ICA1: variants seen among roughly 807,000 people sequenced by gnomAD.
ICA1 encodes the protein 69 kDa islet cell autoantigen.
In ICA1, 40 loss-of-function variants were observed where a neutral mutation model predicts 71.0. That is an observed-to-expected ratio of 0.56 (90% CI 0.44 to 0.73). The LOEUF is 0.73. ICA1 is among the 30% of genes least tolerant of loss of function. The pLI is 0.00. For synonymous variants in ICA1, 207 were observed against 209.5 expected (o/e 0.99, Z 0.10); for missense variants, 578 against 576.5 (o/e 1.00, Z -0.03).
At chr7:8,189,711 G>T (rs1211201813) in intron 6 of ICA1, among the ~76,000 whole-genome samples, 1 of 152,064 alleles carries the variant, frequency 6.6e-6, no homozygotes, top group Non-Finnish European at 1.5e-5. Flanking sequence ...GGGGCAGGTG[G>T]GCAGCTGGCT....
intron 10 of ICA1, 121 bp from the exon 11 acceptor site, chr7:8,139,168 A>C: frequency 1.4e-6 from 1 of 732,604 alleles, no homozygotes; most frequent in Non-Finnish European, 2.3e-6. Context: ...AAACTCAGCC[A>C]GAAGCAAGGG....
At chr7:8,242,494 C>T (rs1159795351) in intron 1 of ICA1, among the ~76,000 whole-genome samples, 2 of 152,072 alleles carry the variant, frequency 1.3e-5, no homozygotes, top group East Asian at 3.8e-4. Flanking sequence ...CCTAACATCA[C>T]AATTAAAAGA....
intron 1 of ICA1, among the ~76,000 whole-genome samples, chr7:8,238,658 T>A (rs1263342225): frequency 6.6e-6 from 1 of 152,218 alleles, no homozygotes; most frequent in Non-Finnish European, 1.5e-5. Context: ...TTTTGCTTAT[T>A]AAAATGCCTT....
intron 6 of ICA1, among the ~76,000 whole-genome samples, chr7:8,187,990 C>G (rs1456304281): frequency 1.3e-5 from 2 of 152,126 alleles, no homozygotes; most frequent in Admixed American, 1.3e-4. Flanking sequence ...TATACTGCTA[C>G]GAAGTGGGGA....
rs1787948485 is a variant in ICA1, at chr7:8,123,782, T to C, written c.1330+4091A>G. Among the ~76,000 whole-genome samples the C allele has an allele frequency of 3.3e-5, 5 of 152,202 alleles. No individual in the cohort carries two copies. The South Asian group carries it at 1.0e-3, about 32-fold the overall frequency. ...CTAAGAGAGGTCTGAAGAGCCCCAC[T>C]GGGAAATCCCTTTTGCTCTCAGAGA... On this transcript the variant is annotated intron_variant, in intron 13 of 13. Coordinates refer to ENST00000402384, the MANE Select transcript of ICA1 (RefSeq NM_001136020.3). The surrounding 1 kb of genome is among the most constrained non-coding windows in gnomAD (Gnocchi z 4.1).
chr7:8,222,287 C>G lies in ICA1; in HGVS notation c.257-889G>C, dbSNP rs1797349546. On this transcript the variant is annotated intron_variant, in intron 4 of 13. Coordinates refer to ENST00000402384, the MANE Select transcript of ICA1 (RefSeq NM_001136020.3). This position sits in a 1 kb window ranked among gnomAD's most constrained non-coding sequence, Gnocchi z 4.8. ...CCCACATAATGGTACAGTGGGGGTC[C>G]TGAACACACACCAGCAGCCAAGCCA... Among the ~76,000 whole-genome samples the G allele has an allele frequency of 6.6e-6, 1 of 152,104 alleles. No homozygotes were observed. Among genetic ancestry groups the G allele is most frequent in the African/African-American group, 2.4e-5 (1 of 41,416 alleles).
intron 13 of ICA1, among the ~76,000 whole-genome samples, chr7:8,124,845 G>GTGGC (rs1788536569): frequency 6.6e-6 from 1 of 151,642 alleles, no homozygotes; most frequent in South Asian, 2.1e-4. Context: ...CTGGAGTGTA[G>GTGGC]TGGCGTGATC....
chr7:8,114,048 G>A lies in ICA1; in HGVS notation c.1331-4C>T. 1.9e-6 allele frequency: 3 copies of A among 1,614,144 alleles called. No individual in the cohort carries two copies. Among genetic ancestry groups the A allele is most frequent in the Non-Finnish European group, 2.5e-6 (3 of 1,180,018 alleles). ...TCTGAGGCAGCCTTAGCAGGTTCTG[G>A]GGAGAGAAGAGGAAACATGAGCAAA... is the stretch of plus-strand genomic sequence containing the variant. On this transcript the variant is annotated splice_region_variant and splice_polypyrimidine_tract_variant and intron_variant, in intron 13 of 13. Transcript: ENST00000402384.
intron 6 of ICA1, among the ~76,000 whole-genome samples, chr7:8,166,968 C>T (rs1182387091): frequency 6.6e-6 from 1 of 151,960 alleles, no homozygotes; most frequent in Non-Finnish European, 1.5e-5. Context: ...ATTAAAAAGT[C>T]AAAAAATGAC....
intron 6 of ICA1, among the ~76,000 whole-genome samples, chr7:8,203,697 TG>T (rs780356222): frequency 3.9e-5 from 6 of 152,238 alleles, no homozygotes; most frequent in Non-Finnish European, 5.9e-5. Context: ...TGTTCTTCAC[TG>T]GAAATGTCTG....
At chr7:8,197,488 G>T (rs1313690055) in intron 6 of ICA1, among the ~76,000 whole-genome samples, 1 of 149,214 alleles carries the variant, frequency 6.7e-6, no homozygotes, top group Non-Finnish European at 1.5e-5. Flanking sequence ...GGGAGGTGGA[G>T]GTTGCAGTGA....
intron 1 of ICA1, among the ~76,000 whole-genome samples, chr7:8,260,491 TCTC>T (rs2128567064): frequency 6.6e-6 from 1 of 152,270 alleles, no homozygotes; most frequent in African/African-American, 2.4e-5. Context: ...TAACATCAGG[TCTC>T]TCCACAAATA....
rs33924786 is a variant in ICA1 at position 8,153,836 on chromosome 7, AAT to A, written c.804+3278_804+3279del. On this transcript the variant is annotated intron_variant, in intron 8 of 13. Coordinates refer to ENST00000402384, the MANE Select transcript of ICA1 (RefSeq NM_001136020.3). Reference sequence around the variant, plus strand: ...AATATATTAATTACAACTCATGCAGAATATATATATATATATATATATGTAGT... The same window carrying A: ...AATATATTAATTACAACTCATGCAGAATATATATATATATATATATGTAGT... Among the ~76,000 whole-genome samples the A allele has an allele frequency of 6.0e-3, 825 of 136,942 alleles. 5 individuals are homozygous for A. Among genetic ancestry groups the A allele is most frequent in the Non-Finnish European group, 6.8e-3 (427 of 62,950 alleles). 89.8% of individuals were successfully genotyped at this position (136,942 alleles called of 152,430 possible). A position where few individuals can be genotyped will look rare whatever the true frequency, so the allele number is the denominator to read the frequency against.
chr7:8,128,159 A>T lies in ICA1; in HGVS notation c.1061-17T>A, dbSNP rs972506257. ...CCAGGCAAGCTGATTGAAGTAACAG[A>T]GAACAAAACGTCACCACGGAGGGCT... is the stretch of plus-strand genomic sequence containing the variant. On this transcript the variant is annotated splice_polypyrimidine_tract_variant and intron_variant, in intron 12 of 13. Coordinates refer to ENST00000402384, the MANE Select transcript of ICA1 (RefSeq NM_001136020.3). 7.4e-6 allele frequency: 12 copies of T among 1,611,326 alleles called. No individual in the cohort carries two copies. Among genetic ancestry groups the T allele is most frequent in the Non-Finnish European group, 1.0e-5 (12 of 1,178,102 alleles).
intron 8 of ICA1, among the ~76,000 whole-genome samples, chr7:8,145,149 C>G (rs1796446152): frequency 6.6e-6 from 1 of 152,214 alleles, no homozygotes; most frequent in African/African-American, 2.4e-5. Flanking sequence ...TGTTATCCTT[C>G]TTTTCAAGAA....
At chr7:8,164,018 T>C (rs1290434043) in intron 6 of ICA1, among the ~76,000 whole-genome samples, 1 of 151,820 alleles carries the variant, frequency 6.6e-6, no homozygotes, top group Non-Finnish European at 1.5e-5. Context: ...TAGATAAGAA[T>C]AGATTTGGGC....
intron 6 of ICA1, among the ~76,000 whole-genome samples, chr7:8,193,379 C>T (rs1036573778): frequency 6.6e-6 from 1 of 152,180 alleles, no homozygotes; most frequent in African/African-American, 2.4e-5. Context: ...ACTGTAGCTC[C>T]GTTCTCCTAA....
rs1162785903 is a variant in ICA1 at position 8,207,178 on chromosome 7, G to C, written c.579+11127C>G. Reference sequence around the variant, plus strand: ...TGTCTCAGAGTCACAGCTGGAGAGAGAATTTTAAAAGATGGATGCACAGAT... The same window carrying C: ...TGTCTCAGAGTCACAGCTGGAGAGACAATTTTAAAAGATGGATGCACAGAT... On this transcript the variant is annotated intron_variant, in intron 6 of 13. Coordinates refer to ENST00000402384, the MANE Select transcript of ICA1 (RefSeq NM_001136020.3). 4.6e-5 allele frequency among the ~76,000 whole-genome samples: 7 copies of C among 152,202 alleles called. No homozygotes were observed. The South Asian group carries it at 8.3e-4, about 18-fold the overall frequency.
At chr7:8,134,976 A>G (rs189587690) in intron 12 of ICA1, among the ~76,000 whole-genome samples, 25 of 152,222 alleles carry the variant, frequency 1.6e-4, no homozygotes, top group African/African-American at 5.8e-4. Context: ...AATCTTACTG[A>G]AAAACATAAA....
Sources: allele counts gnomAD v4.1 joint callset (sites outside exome capture counted in the v4.1 genomes callset), GRCh38; gene constraint gnomAD v4.1.1; non-coding constraint Gnocchi (gnomAD v3.1); transcripts MANE v1.5; gene names NCBI Gene and HGNC (gene_info 2026-07-23, HGNC 2026-07-21).